USP12: variants seen among roughly 807,000 people sequenced by gnomAD.
USP12 encodes ubiquitin carboxyl-terminal hydrolase 12.
A neutral mutation model predicts 45.5 loss-of-function variants in USP12; 19 were observed. That is an observed-to-expected ratio of 0.42 (90% CI 0.29 to 0.61). The LOEUF is 0.61. USP12 is among the 20% of genes least tolerant of loss of function. The pLI is 0.22. For synonymous variants in USP12, 149 were observed against 148.8 expected (o/e 1.00, Z -0.01); for missense variants, 242 against 447.7 (o/e 0.54, Z 4.15).
At chr13:27,139,392 G>C (rs889881597) in intron 1 of USP12, among the ~76,000 whole-genome samples, 4 of 152,194 alleles carry the variant, frequency 2.6e-5, no homozygotes, top group African/African-American at 9.7e-5. Flanking sequence ...GAGGCGGGAG[G>C]ATCACCTGAG....
chr13:27,133,487 G>A (rs1593200899), intron 1 of USP12, among the ~76,000 whole-genome samples: 1 of 152,276 alleles, frequency 6.6e-6, no homozygotes, highest in East Asian at 1.9e-4. Flanking sequence ...AATTAGCCGG[G>A]TGTGGTGGCG....
intron 4 of USP12, among the ~76,000 whole-genome samples, chr13:27,093,897 T>C (rs1874435491): frequency 6.6e-6 from 1 of 152,196 alleles, no homozygotes; most frequent in South Asian, 2.1e-4. Flanking sequence ...GAACCTTAAA[T>C]GCATATTGCT....
chr13:27,079,779 G>A (rs1368618464), intron 6 of USP12, among the ~76,000 whole-genome samples: 3 of 152,206 alleles, frequency 2.0e-5, no homozygotes, highest in Non-Finnish European at 4.4e-5. Context: ...CCCAGCCACA[G>A]GCACTTAAGA....
rs189903478 is a variant in USP12, at chr13:27,119,735, A to G, written c.49-3139T>C. On this transcript the variant is annotated intron_variant, in intron 1 of 8. Coordinates refer to ENST00000282344, the MANE Select transcript of USP12 (RefSeq NM_182488.4). ...ACAACCAATATATGCCAAGCCCACAATTCAACAGCTTGAAGAATGATGGCT... is the reference window on the plus strand; with the variant it reads ...ACAACCAATATATGCCAAGCCCACAGTTCAACAGCTTGAAGAATGATGGCT... Among the ~76,000 whole-genome samples, 10 of 152,370 alleles carry G rather than the reference A, an allele frequency of 6.6e-5. No homozygotes were observed. The East Asian group carries it at 1.9e-3, about 29-fold the overall frequency.
chr13:27,127,310 G>A (rs1006397017), intron 1 of USP12, among the ~76,000 whole-genome samples: 1 of 152,082 alleles, frequency 6.6e-6, no homozygotes, highest in African/African-American at 2.4e-5. Context: ...ATCAGAAATC[G>A]GCACAAAGCA....
At position 27,068,932 on chromosome 13, in the gene USP12, C is replaced by T. The variant is rs1873112090; in HGVS notation, c.*351G>A. 1 of 300,138 alleles carries T rather than the reference C, an allele frequency of 3.3e-6. No homozygotes were observed. Among genetic ancestry groups the T allele is most frequent in the East Asian group, 9.0e-5 (1 of 11,120 alleles). The allele number at this position is 300,138 out of a possible 1,614,324, so 18.6% of individuals were successfully genotyped here. On this transcript the variant is annotated 3_prime_UTR_variant, in exon 9 of 9. Transcript: ENST00000282344. ...CTCCTTATCAATACGGCACAGATTC[C>T]GATTCTTTCTACTGCACCCCCAAGG...
In USP12 at chr13:27,068,292, G is replaced by A. The variant is rs1397154465; in HGVS notation, c.*991C>T. On this transcript the variant is annotated 3_prime_UTR_variant, in exon 9 of 9. Coordinates refer to ENST00000282344, the MANE Select transcript of USP12 (RefSeq NM_182488.4). ...ATTTTTAATTATTCCAACAACTACA[G>A]GAATTTTTAAAATAGTTTTTTAATT... is the stretch of plus-strand genomic sequence containing the variant. The A allele has an allele frequency of 1.3e-5, 2 of 151,820 alleles. No individual in the cohort carries two copies. Among genetic ancestry groups the A allele is most frequent in the African/African-American group, 4.9e-5 (2 of 40,792 alleles). 9.4% of individuals were successfully genotyped at this position (151,820 alleles called of 1,614,324 possible).
At chr13:27,085,449 G>A (rs1873968894) in intron 6 of USP12, among the ~76,000 whole-genome samples, 1 of 152,108 alleles carries the variant, frequency 6.6e-6, no homozygotes, top group Non-Finnish European at 1.5e-5. Context: ...CCAAAGTGCT[G>A]GGATTACAGG....
At chr13:27,085,475 CT>C (rs1873970125) in intron 6 of USP12, among the ~76,000 whole-genome samples, 1 of 152,180 alleles carries the variant, frequency 6.6e-6, no homozygotes, top group Admixed American at 6.5e-5. Flanking sequence ...GCCACCGCAT[CT>C]GGCCGTCAAA....
chr13:27,162,404 A>G (rs906269272), intron 1 of USP12, among the ~76,000 whole-genome samples: 2 of 152,208 alleles, frequency 1.3e-5, no homozygotes, highest in African/African-American at 4.8e-5. Context: ...TGTAGATGTC[A>G]TAACGAGTTT....
At chr13:27,143,765 G>A (rs550607726) in intron 1 of USP12, among the ~76,000 whole-genome samples, 4 of 152,232 alleles carry the variant, frequency 2.6e-5, no homozygotes, top group Non-Finnish European at 5.9e-5. Flanking sequence ...ATGTTTACTC[G>A]CAGTCTAATC....
chr13:27,118,307 T>C (rs916485900), intron 1 of USP12, among the ~76,000 whole-genome samples: 7 of 152,162 alleles, frequency 4.6e-5, no homozygotes, highest in African/African-American at 1.7e-4. Context: ...GTTTCTTCTA[T>C]TATCTTCCAG....
At chr13:27,131,524 T>TG (rs1454844309) in intron 1 of USP12, among the ~76,000 whole-genome samples, 5 of 152,220 alleles carry the variant, frequency 3.3e-5, no homozygotes, top group African/African-American at 1.2e-4. Flanking sequence ...GATGGAAACT[T>TG]GCCCCAGTAG....
intron 1 of USP12, among the ~76,000 whole-genome samples, chr13:27,126,740 C>G (rs574460500): frequency 2.6e-5 from 4 of 152,300 alleles, no homozygotes; most frequent in Non-Finnish European, 5.9e-5. Context: ...AAAATAGCAG[C>G]ACTACTGTAG....
intron 1 of USP12, among the ~76,000 whole-genome samples, chr13:27,132,900 G>A (rs918648490): frequency 6.6e-6 from 1 of 152,230 alleles, no homozygotes; most frequent in South Asian, 2.1e-4. Flanking sequence ...CTCTGAAGGG[G>A]ACAGAAAGGA....
intron 1 of USP12, among the ~76,000 whole-genome samples, chr13:27,148,735 G>C (rs941414164): frequency 5.0e-5 from 7 of 141,066 alleles, no homozygotes; most frequent in African/African-American, 1.8e-4. Context: ...GGTTGAAATG[G>C]GCTAACATAA....
At chr13:27,144,174 G>C (rs1877198944) in intron 1 of USP12, among the ~76,000 whole-genome samples, 1 of 151,904 alleles carries the variant, frequency 6.6e-6, no homozygotes, top group Non-Finnish European at 1.5e-5. Flanking sequence ...ACTCCAGCCT[G>C]GGTGACAGAG....
chr13:27,124,324 A>G (rs991092862), intron 1 of USP12, among the ~76,000 whole-genome samples: 1 of 152,242 alleles, frequency 6.6e-6, no homozygotes, highest in African/African-American at 2.4e-5. Context: ...AATGGTGTCT[A>G]TGAGGATATG....
intron 6 of USP12, among the ~76,000 whole-genome samples, chr13:27,081,308 A>G (rs1873747290): frequency 6.6e-6 from 1 of 152,222 alleles, no homozygotes; most frequent in African/African-American, 2.4e-5. Context: ...CATTTCAACA[A>G]TGTTCACAGC....
Sources: allele counts gnomAD v4.1 joint callset (sites outside exome capture counted in the v4.1 genomes callset), GRCh38; gene constraint gnomAD v4.1.1; transcripts MANE v1.5; gene names NCBI Gene and HGNC (gene_info 2026-07-23, HGNC 2026-07-21).